Variants in ANKIB1 observed in about 807,000 individuals in gnomAD.
ANKIB1 encodes ankyrin repeat and IBR domain containing 1.
Under a neutral mutation model 122.1 loss-of-function variants are expected in ANKIB1, and 43 were observed. That is an observed-to-expected ratio of 0.35 (90% CI 0.28 to 0.45). The LOEUF is 0.45. ANKIB1 is among the 20% of genes least tolerant of loss of function. ANKIB1 has a pLI of 1.00. For synonymous variants in ANKIB1, 390 were observed against 442.0 expected (o/e 0.88, Z 1.48); for missense variants, 992 against 1,329.5 (o/e 0.75, Z 3.95).
chr7:92,323,906 T>C lies in ANKIB1; in HGVS notation c.670-3877T>C, dbSNP rs116035131. On this transcript the variant is annotated intron_variant, in intron 4 of 19. Transcript: ENST00000265742. Reference sequence around the variant, plus strand: ...AAAGATCCAAAACAGATAAAAGCCATAGAAACAGAACTCATATGCTGGACA... The same window carrying C: ...AAAGATCCAAAACAGATAAAAGCCACAGAAACAGAACTCATATGCTGGACA... 2.9e-3 allele frequency among the ~76,000 whole-genome samples: 440 copies of C among 152,294 alleles called. 2 individuals are homozygous for C. The highest frequency in any genetic ancestry group is 0.01 in the African/African-American group (416 of 41,568).
chr7:92,254,157 C>A (rs1467673901), intron 1 of ANKIB1, among the ~76,000 whole-genome samples: 1 of 152,100 alleles, frequency 6.6e-6, no homozygotes, highest in Non-Finnish European at 1.5e-5. Context: ...CCCAGCTGAC[C>A]CTTTAGCTGA....
chr7:92,295,315 T>C (rs1802332135), intron 2 of ANKIB1, 149 bp downstream of exon 2: 2 of 497,540 alleles, frequency 4.0e-6, no homozygotes, highest in East Asian at 6.9e-5. Flanking sequence ...AATATGGTTT[T>C]ATAGTGAATT....
intron 10 of ANKIB1, among the ~76,000 whole-genome samples, chr7:92,367,030 A>C (rs937908545): frequency 6.6e-6 from 1 of 152,232 alleles, no homozygotes; most frequent in African/African-American, 2.4e-5. Context: ...CTTCCTCATG[A>C]TAATGATCCT....
intron 1 of ANKIB1, among the ~76,000 whole-genome samples, chr7:92,288,080 C>A (rs911805748): frequency 7.4e-6 from 1 of 135,866 alleles, no homozygotes. Context: ...ATGGATAATA[C>A]AAATCTACTT....
intron 1 of ANKIB1, among the ~76,000 whole-genome samples, chr7:92,291,838 G>A (rs994803412): frequency 5.3e-5 from 8 of 152,092 alleles, no homozygotes; most frequent in African/African-American, 1.7e-4. Context: ...GGCTCCCAAA[G>A]TTCTGGGATT....
At chr7:92,379,395 A>G (rs753579282) in intron 11 of ANKIB1, among the ~76,000 whole-genome samples, 5 of 152,232 alleles carry the variant, frequency 3.3e-5, no homozygotes, top group Non-Finnish European at 7.3e-5. Flanking sequence ...CCATCTAAAA[A>G]AAACTAATTC....
At chr7:92,268,847 A>G (rs1801726914) in intron 1 of ANKIB1, among the ~76,000 whole-genome samples, 1 of 152,190 alleles carries the variant, frequency 6.6e-6, no homozygotes, top group South Asian at 2.1e-4. Flanking sequence ...TTCGGCTTGC[A>G]TCTCATCTAG....
intron 1 of ANKIB1, among the ~76,000 whole-genome samples, chr7:92,276,490 G>T (rs902275647): frequency 6.6e-6 from 1 of 152,208 alleles, no homozygotes; most frequent in Non-Finnish European, 1.5e-5. Context: ...GGCCAGTCTT[G>T]CAAGGAGGCC....
At chr7:92,273,973 A>G (rs941822080) in intron 1 of ANKIB1, among the ~76,000 whole-genome samples, 2 of 151,812 alleles carry the variant, frequency 1.3e-5, no homozygotes, top group African/African-American at 4.8e-5. Context: ...AAGTCCCACT[A>G]TGTTGTCCGG....
At chr7:92,362,403 C>CAA in intron 10 of ANKIB1, 130 bp downstream of exon 10, 1 of 763,802 alleles carries the variant, frequency 1.3e-6, no homozygotes, top group East Asian at 2.8e-5. Flanking sequence ...TCCTGTTTAA[C>CAA]ATCACAATCC....
chr7:92,347,465 C>T (rs1163577866), intron 7 of ANKIB1, among the ~76,000 whole-genome samples: 1 of 152,066 alleles, frequency 6.6e-6, no homozygotes, highest in African/African-American at 2.4e-5. Flanking sequence ...AATAGCCAGG[C>T]ATAGTGGCAC....
intron 18 of ANKIB1, 76 bp from the exon 19 acceptor site, chr7:92,397,647 C>T (rs915007789): frequency 6.4e-6 from 10 of 1,554,218 alleles, no homozygotes; most frequent in Non-Finnish European, 8.7e-6. Flanking sequence ...CCCATCTAAA[C>T]AACCAGATGT....
Position 92,312,927 on chromosome 7 carries a change from G to A in ANKIB1, c.486+5271G>A, listed in dbSNP as rs192520635. Reference sequence around the variant, plus strand: ...TGGGAACAGGAATGGACTTGAGAGGGGTGGTGGGTTAGGTCTATTAGCATG... The same window carrying A: ...TGGGAACAGGAATGGACTTGAGAGGAGTGGTGGGTTAGGTCTATTAGCATG... On this transcript the variant is annotated intron_variant, in intron 3 of 19. Coordinates refer to ENST00000265742, the MANE Select transcript of ANKIB1 (RefSeq NM_019004.2). 2.5e-3 allele frequency among the ~76,000 whole-genome samples: 374 copies of A among 152,192 alleles called. 2 individuals are homozygous for A. Among genetic ancestry groups the A allele is most frequent in the Non-Finnish European group, 4.6e-3 (310 of 67,988 alleles).
At chr7:92,327,689 G>C in intron 4 of ANKIB1, 94 bp from the exon 5 acceptor site, 1 of 520,818 alleles carries the variant, frequency 1.9e-6, no homozygotes, top group East Asian at 3.5e-5. Flanking sequence ...TGGAACCGTG[G>C]ATACATTGGA....
At chr7:92,324,530 G>T (rs955760735) in intron 4 of ANKIB1, among the ~76,000 whole-genome samples, 1 of 152,150 alleles carries the variant, frequency 6.6e-6, no homozygotes, top group East Asian at 1.9e-4. Context: ...CACCATGCCT[G>T]GCCCCCTTGA....
intron 5 of ANKIB1, among the ~76,000 whole-genome samples, chr7:92,334,402 G>A (rs1263627369): frequency 6.6e-6 from 1 of 151,988 alleles, no homozygotes; most frequent in Non-Finnish European, 1.5e-5. Flanking sequence ...TGGCAGCAAT[G>A]AGAAAATTTG....
chr7:92,277,652 G>T (rs73414030), intron 1 of ANKIB1, among the ~76,000 whole-genome samples: 4,366 of 152,248 alleles, frequency 0.029, 202 homozygotes, highest in African/African-American at 0.1. Context: ...GATGTTCTGT[G>T]TGAAAGTGCA....
intron 10 of ANKIB1, among the ~76,000 whole-genome samples, chr7:92,367,034 T>C (rs555225602): frequency 6.6e-6 from 1 of 152,174 alleles, no homozygotes; most frequent in South Asian, 2.1e-4. Context: ...CTCATGATAA[T>C]GATCCTGATA....
At chr7:92,252,972 T>A (rs1235193654) in intron 1 of ANKIB1, among the ~76,000 whole-genome samples, 1 of 152,148 alleles carries the variant, frequency 6.6e-6, no homozygotes, top group Non-Finnish European at 1.5e-5. Flanking sequence ...GCTTAGTGTG[T>A]TCATTGCTAC....
Sources: gnomAD v4.1 joint callset for allele counts (sites outside exome capture counted in the v4.1 genomes callset) on GRCh38, gnomAD v4.1.1 for gene constraint, MANE v1.5 for transcripts, NCBI Gene and HGNC (gene_info 2026-07-23, HGNC 2026-07-21) for gene names.